Variants in COG3 observed in about 807,000 individuals in gnomAD.
COG3 encodes the protein component of oligomeric golgi complex 3.
A neutral mutation model predicts 114.1 loss-of-function variants in COG3; 32 were observed. The observed-to-expected ratio is 0.28, with a 90% CI of 0.21 to 0.38. The LOEUF is 0.38. Among genes scored for constraint, COG3 ranks in the 10% least tolerant of loss-of-function variants. The pLI, the probability that COG3 is intolerant of heterozygous loss-of-function variation, is 1.00. For missense variants in COG3, 813 were observed against 973.2 expected, an observed-to-expected ratio of 0.84 and a Z score of 2.19; for synonymous variants, 352 against 365.7, an observed-to-expected ratio of 0.96 and a Z score of 0.43.
intron 16 of COG3, among the ~76,000 whole-genome samples, chr13:45,513,193 A>G (rs1871071801): frequency 9.0e-6 from 1 of 110,778 alleles, no homozygotes; most frequent in South Asian, 3.2e-4. Context: ...TTATATATAT[A>G]TATATAATAT....
At chr13:45,530,011 A>T (rs1444309576) in intron 21 of COG3, 93 bp downstream of exon 21, 1 of 1,415,222 alleles carries the variant, frequency 7.1e-7, no homozygotes, top group Admixed American at 2.2e-5. Context: ...GACATTTAGA[A>T]ATGTTGGTAT....
intron 17 of COG3, among the ~76,000 whole-genome samples, chr13:45,518,177 T>C (rs1013639714): frequency 2.6e-5 from 4 of 152,244 alleles, no homozygotes; most frequent in African/African-American, 9.6e-5. Flanking sequence ...AGATGTTTTT[T>C]TCTTACTCAC....
At chr13:45,499,335 G>T (rs1261512490) in intron 13 of COG3, among the ~76,000 whole-genome samples, 1 of 152,162 alleles carries the variant, frequency 6.6e-6, no homozygotes, top group Non-Finnish European at 1.5e-5. Context: ...CTTAATTCAA[G>T]ATTTTTATAC....
chr13:45,535,214 C>T lies in COG3; in HGVS notation c.*483C>T. ...TGCTCTTATTTAATGTAATGTTTCT[C>T]CTGTCATTTTTGAAGTTGAGTTTGG... On this transcript the variant is annotated 3_prime_UTR_variant, in exon 23 of 23. Transcript: ENST00000349995. 1 of 985,766 alleles carries T rather than the reference C, an allele frequency of 1.0e-6. No homozygotes were observed. Among genetic ancestry groups the T allele is most frequent in the East Asian group, 1.1e-4 (1 of 8,840 alleles). The allele number at this position is 985,766 out of a possible 1,614,324, so 61.1% of individuals were successfully genotyped here. A position where few individuals can be genotyped will look rare whatever the true frequency, so the allele number is the denominator to read the frequency against.
At chr13:45,484,643 C>T (rs1372407184) in intron 7 of COG3, among the ~76,000 whole-genome samples, 1 of 145,878 alleles carries the variant, frequency 6.9e-6, no homozygotes, top group Non-Finnish European at 1.5e-5. Flanking sequence ...GGGTGTTTCT[C>T]ACAGAGGGGG....
chr13:45,478,196 CTTT>C (rs61454845), intron 2 of COG3, among the ~76,000 whole-genome samples: 5 of 139,482 alleles, frequency 3.6e-5, no homozygotes, highest in Non-Finnish European at 6.3e-5. Flanking sequence ...CTGAAATGGC[CTTT>C]TTTTTTTTTT....
At chr13:45,527,509 G>T (rs957738900) in intron 20 of COG3, among the ~76,000 whole-genome samples, 19 of 152,098 alleles carry the variant, frequency 1.2e-4, no homozygotes, top group African/African-American at 4.3e-4. Flanking sequence ...CCTTGGGGTG[G>T]GAGCATTGAG....
intron 16 of COG3, among the ~76,000 whole-genome samples, chr13:45,514,326 A>G (rs1223717242): frequency 1.3e-5 from 2 of 152,060 alleles, no homozygotes; most frequent in African/African-American, 4.8e-5. Flanking sequence ...ACGCCCAGCT[A>G]ATTTTTGCAT....
chr13:45,495,145 CTTTTTTTT>C (rs56237113), intron 12 of COG3, among the ~76,000 whole-genome samples: 1 of 108,758 alleles, frequency 9.2e-6, no homozygotes, highest in Non-Finnish European at 1.9e-5. Flanking sequence ...CGCCTGGCCT[CTTTTTTTT>C]TTTTTTTTTT....
rs952913868 is a variant in COG3, at chr13:45,535,197, T to C, written c.*466T>C. 2 of 986,472 alleles carry C rather than the reference T, an allele frequency of 2.0e-6. No homozygotes were observed. The highest frequency in any genetic ancestry group is 2.4e-6 in the Non-Finnish European group (2 of 830,722). 61.1% of individuals were successfully genotyped at this position (986,472 alleles called of 1,614,324 possible). A position where few individuals can be genotyped will look rare whatever the true frequency, so the allele number is the denominator to read the frequency against. The stretch of plus-strand genomic sequence containing the variant: ...GTGAAATGTTATTTCTATGCTCTTA[T>C]TTAATGTAATGTTTCTCCTGTCATT... On this transcript the variant is annotated 3_prime_UTR_variant, in exon 23 of 23. Coordinates refer to ENST00000349995, the MANE Select transcript of COG3 (RefSeq NM_031431.4).
At chr13:45,501,053 C>T (rs572696218) in intron 13 of COG3, among the ~76,000 whole-genome samples, 1 of 152,322 alleles carries the variant, frequency 6.6e-6, no homozygotes, top group African/African-American at 2.4e-5. Flanking sequence ...AGGGTACAGC[C>T]TTTCAACATG....
intron 1 of COG3, 61 bp downstream of exon 1, chr13:45,465,271 C>T: frequency 6.3e-7 from 1 of 1,582,638 alleles, no homozygotes; most frequent in Non-Finnish European, 8.6e-7. Context: ...TCGGGCGCCC[C>T]GGCAGGACCC....
chr13:45,512,489 GC>G, intron 16 of COG3, among the ~76,000 whole-genome samples: 1 of 151,974 alleles, frequency 6.6e-6, no homozygotes, highest in Non-Finnish European at 1.5e-5. Flanking sequence ...GTACCTTCAT[GC>G]CCCTGCCAAG....
intron 22 of COG3, among the ~76,000 whole-genome samples, chr13:45,533,137 A>AG (rs1873315505): frequency 6.6e-6 from 1 of 151,892 alleles, no homozygotes; most frequent in African/African-American, 2.4e-5. Flanking sequence ...ATAAGAAGCA[A>AG]GGTCATCACC....
intron 13 of COG3, among the ~76,000 whole-genome samples, chr13:45,498,577 T>C (rs1203188865): frequency 1.3e-5 from 2 of 152,006 alleles, no homozygotes; most frequent in Non-Finnish European, 2.9e-5. Context: ...AAGGCTATTA[T>C]TTGTCTATTG....
At chr13:45,507,594 A>G (rs1022682070) in intron 14 of COG3, among the ~76,000 whole-genome samples, 1 of 151,760 alleles carries the variant, frequency 6.6e-6, no homozygotes, top group Non-Finnish European at 1.5e-5. Flanking sequence ...GCAAAACCCC[A>G]TCTCTACTAA....
Position 45,535,740 on chromosome 13 carries a change from C to A in COG3, c.*1009C>A. 1 of 987,120 alleles carries A rather than the reference C, an allele frequency of 1.0e-6. No homozygotes were observed. The highest frequency in any genetic ancestry group is 1.7e-5 in the African/African-American group (1 of 57,420). 61.1% of individuals were successfully genotyped at this position (987,120 alleles called of 1,614,324 possible). On this transcript the variant is annotated 3_prime_UTR_variant, in exon 23 of 23. Coordinates refer to ENST00000349995, the MANE Select transcript of COG3 (RefSeq NM_031431.4). The stretch of plus-strand genomic sequence containing the variant: ...ATTTTACCAGCAAACCTAAGGATGA[C>A]AAACACTATCCACATCTGAAAACTA...
intron 17 of COG3, among the ~76,000 whole-genome samples, chr13:45,517,764 G>A (rs375540149): frequency 1.1e-4 from 16 of 152,234 alleles, no homozygotes; most frequent in African/African-American, 3.1e-4. Context: ...TTAAGTGATG[G>A]GATAGAGCAG....
rs1212882407 is a variant in COG3 at position 45,533,829 on chromosome 13, A to G, written c.2458-873A>G. Among the ~76,000 whole-genome samples the G allele has an allele frequency of 2.6e-5, 4 of 152,228 alleles. No homozygotes were observed. The East Asian group carries it at 5.8e-4, about 22-fold the overall frequency. The stretch of plus-strand genomic sequence containing the variant: ...TCCATTTGGTGTTGTCTCTTTCATC[A>G]TGATTACATTTAGGCTTTGTACTTT... On this transcript the variant is annotated intron_variant, in intron 22 of 22. Coordinates refer to ENST00000349995, the MANE Select transcript of COG3 (RefSeq NM_031431.4).
Sources: allele counts gnomAD v4.1 joint callset (sites outside exome capture counted in the v4.1 genomes callset), GRCh38; gene constraint gnomAD v4.1.1; transcripts MANE v1.5; gene names NCBI Gene and HGNC (gene_info 2026-07-23, HGNC 2026-07-21).